Variants in ITIH5 observed in about 807,000 individuals in gnomAD.
The protein encoded by ITIH5 is inter-alpha-trypsin inhibitor heavy chain 5, also known as inter-alpha-trypsin inhibitor heavy chain H5.
Under a neutral mutation model 77.5 loss-of-function variants are expected in ITIH5, and 65 were observed. The ratio of observed to expected loss-of-function variants is 0.84; its 90% CI spans 0.69 to 1.03. ITIH5 has a LOEUF of 1.03. Ranked by LOEUF, ITIH5 falls within the 50% of genes least tolerant of loss-of-function variation. The pLI is 0.00. For synonymous variants in ITIH5, 525 were observed against 494.3 expected (o/e 1.06, Z -0.82); for missense variants, 1,208 against 1,213.1 (o/e 1.00, Z 0.06).
intron 1 of ITIH5, among the ~76,000 whole-genome samples, chr10:7,660,275 C>A (rs1280020926): frequency 1.3e-5 from 2 of 152,102 alleles, no homozygotes; most frequent in Admixed American, 6.5e-5. Flanking sequence ...TCTTGAGTGA[C>A]CGTGAAAGGC....
rs114545487 is a variant in ITIH5, at chr10:7,619,632, A to G, written c.653-2350T>C. On this transcript the variant is annotated intron_variant, in intron 5 of 13. Transcript: ENST00000397146. ...GGAAACTTACAATCACGCAGAAGGC[A>G]AACGCAAAGCGAACACGTCTACAAG... 1.1e-3 allele frequency: 406 copies of G among 377,808 alleles called. 3 individuals are homozygous for G. The highest frequency in any genetic ancestry group is 7.7e-3 in the African/African-American group (371 of 48,412). The allele number at this position is 377,808 out of a possible 1,614,324, so 23.4% of individuals were successfully genotyped here. A position where few individuals can be genotyped will look rare whatever the true frequency, so the allele number is the denominator to read the frequency against.
chr10:7,602,029 T>A (rs1833025690), intron 7 of ITIH5, among the ~76,000 whole-genome samples: 1 of 151,980 alleles, frequency 6.6e-6, no homozygotes, highest in African/African-American at 2.4e-5. Context: ...ATTTTTTACG[T>A]TTTTAGTAGA....
intron 7 of ITIH5, among the ~76,000 whole-genome samples, 165 bp from the exon 8 acceptor site, chr10:7,586,234 T>C (rs1719845487): frequency 6.6e-6 from 1 of 151,570 alleles, no homozygotes; most frequent in Non-Finnish European, 1.5e-5. Flanking sequence ...GTTACCCAGC[T>C]GGAAAAAATG....
At chr10:7,644,280 TATATATATC>T (rs1026973108) in intron 2 of ITIH5, among the ~76,000 whole-genome samples, 8 of 149,484 alleles carry the variant, frequency 5.4e-5, no homozygotes, top group African/African-American at 2.0e-4. Flanking sequence ...TGTGCGTGTG[TATATATATC>T]ATATATATCA....
chr10:7,655,081 A>G (rs771755422), intron 2 of ITIH5, among the ~76,000 whole-genome samples: 1 of 152,236 alleles, frequency 6.6e-6, no homozygotes, highest in Non-Finnish European at 1.5e-5. Context: ...GGGCTAGGAT[A>G]AATGCCTCAC....
intron 1 of ITIH5, among the ~76,000 whole-genome samples, chr10:7,658,093 A>G (rs1272489199): frequency 2.6e-5 from 4 of 152,248 alleles, no homozygotes; most frequent in African/African-American, 9.6e-5. Context: ...AAAACACTAT[A>G]TGTAACATGA....
chr10:7,603,239 C>T (rs2131010372), intron 7 of ITIH5, among the ~76,000 whole-genome samples: 1 of 152,304 alleles, frequency 6.6e-6, no homozygotes. Flanking sequence ...TGCAGATGCA[C>T]ACTACGACAT....
At chr10:7,591,530 C>G (rs1394394857) in intron 7 of ITIH5, among the ~76,000 whole-genome samples, 3 of 152,170 alleles carry the variant, frequency 2.0e-5, no homozygotes, top group Non-Finnish European at 2.9e-5. Context: ...ACCCCAGCTA[C>G]ACAATGTCCA....
chr10:7,642,759 T>G (rs191562313), intron 2 of ITIH5, among the ~76,000 whole-genome samples: 24 of 152,342 alleles, frequency 1.6e-4, no homozygotes, highest in African/African-American at 5.8e-4. Context: ...TTAAAACTCT[T>G]CAGGGCTTTT....
In ITIH5 at chr10:7,658,027, A is replaced by G. The variant is rs1834215646; in HGVS notation, c.91-2352T>C. ...ATTGCCGGATACCACAGCGTAACCT[A>G]GTCTATCCTGAGAGATATGTTCATG... On this transcript the variant is annotated intron_variant, in intron 1 of 13. Transcript: ENST00000397146. 3.9e-5 allele frequency among the ~76,000 whole-genome samples: 6 copies of G among 152,354 alleles called. No individual in the cohort carries two copies. In the South Asian group the frequency reaches 1.2e-3, roughly 32 times the overall value.
chr10:7,589,276 G>A (rs1457025011), intron 7 of ITIH5, among the ~76,000 whole-genome samples: 1 of 152,060 alleles, frequency 6.6e-6, no homozygotes, highest in Non-Finnish European at 1.5e-5. Context: ...TGGCCCATGT[G>A]GTAAAACCAT....
At chr10:7,623,386 T>G (rs559995893) in intron 5 of ITIH5, among the ~76,000 whole-genome samples, 1 of 152,314 alleles carries the variant, frequency 6.6e-6, no homozygotes, top group African/African-American at 2.4e-5. Flanking sequence ...TCAAAAATAC[T>G]GTGAATAATT....
intron 9 of ITIH5, among the ~76,000 whole-genome samples, chr10:7,579,219 C>T (rs1354351849): frequency 6.6e-6 from 1 of 152,198 alleles, no homozygotes; most frequent in African/African-American, 2.4e-5. Flanking sequence ...AACGGAGGTA[C>T]AGACTGTCTT....
intron 5 of ITIH5, among the ~76,000 whole-genome samples, chr10:7,626,123 C>T (rs1016448512): frequency 1.3e-5 from 2 of 152,190 alleles, no homozygotes; most frequent in African/African-American, 2.4e-5. Context: ...TCACATCCCC[C>T]GGCCCACCTC....
At chr10:7,637,540 C>G in intron 4 of ITIH5, 62 bp from the exon 5 acceptor site, 1 of 1,539,890 alleles carries the variant, frequency 6.5e-7, no homozygotes, top group South Asian at 1.2e-5. Flanking sequence ...CAGGTTCCCT[C>G]AGTCCCCACA....
At chr10:7,569,528 G>A (rs533801653) in intron 12 of ITIH5, 140 bp downstream of exon 12, 76 of 548,480 alleles carry the variant, frequency 1.4e-4, no homozygotes, top group African/African-American at 9.6e-4. Flanking sequence ...AGCGCAGTGC[G>A]CTTCCCTTAA....
intron 7 of ITIH5, among the ~76,000 whole-genome samples, chr10:7,609,226 C>T (rs143391960): frequency 1.6e-4 from 25 of 152,332 alleles, no homozygotes; most frequent in Non-Finnish European, 3.1e-4. Flanking sequence ...AAAACCCTCA[C>T]AGCACTTGAT....
At chr10:7,573,559 C>T (rs1281129368) in intron 10 of ITIH5, among the ~76,000 whole-genome samples, 3 of 150,684 alleles carry the variant, frequency 2.0e-5, no homozygotes, top group Admixed American at 6.6e-5. Flanking sequence ...ATCTGTAGTC[C>T]CAGCTACTTG....
chr10:7,617,410 T>C (rs893136955), intron 5 of ITIH5, 128 bp from the exon 6 acceptor site: 1 of 611,388 alleles, frequency 1.6e-6, no homozygotes, highest in Admixed American at 3.6e-5. Context: ...CAGGAACTTC[T>C]AAGACTGTAC....
Sources: allele counts gnomAD v4.1 joint callset (sites outside exome capture counted in the v4.1 genomes callset), GRCh38; gene constraint gnomAD v4.1.1; transcripts MANE v1.5; gene names NCBI Gene and HGNC (gene_info 2026-07-23, HGNC 2026-07-21).